Variants in YWHAE observed in about 807,000 individuals in gnomAD.
The protein encoded by YWHAE is 14-3-3 protein epsilon.
A neutral mutation model predicts 30.1 loss-of-function variants in YWHAE; 4 were observed. That is an observed-to-expected ratio of 0.13 (90% confidence interval 0.07 to 0.30). The LOEUF (loss-of-function observed/expected upper bound fraction) is 0.30. YWHAE is among the 10% of genes least tolerant of loss of function. The probability of loss-of-function intolerance (pLI) is 1.00; values close to 1 mark genes in which losing one functional copy is unlikely to be tolerated. For missense variants in YWHAE, 121 were observed against 315.9 expected (o/e 0.38, Z 4.68); for synonymous variants, 118 against 111.8 (o/e 1.06, Z -0.35).
intron 1 of YWHAE, among the ~76,000 whole-genome samples, chr17:1,380,350 G>C (rs2073187833): frequency 6.6e-6 from 1 of 152,088 alleles, no homozygotes; most frequent in African/African-American, 2.4e-5. Context: ...GACCTCAGGT[G>C]ATCTGCCTGC....
chr17:1,349,146 TC>T (rs936455015), intron 5 of YWHAE, among the ~76,000 whole-genome samples: 1 of 151,862 alleles, frequency 6.6e-6, no homozygotes, highest in African/African-American at 2.4e-5. Context: ...ATTGAGACCA[TC>T]CGGGCTAACA....
intron 1 of YWHAE, among the ~76,000 whole-genome samples, chr17:1,389,167 T>C (rs1349613597): frequency 2.0e-5 from 3 of 152,238 alleles, no homozygotes; most frequent in African/African-American, 4.8e-5. Context: ...GGTCTCACTA[T>C]GTTGCCCAGG....
At chr17:1,357,697 G>T (rs187555301) in intron 4 of YWHAE, among the ~76,000 whole-genome samples, 8 of 151,972 alleles carry the variant, frequency 5.3e-5, no homozygotes, top group Admixed American at 3.3e-4. Context: ...AGGCCGAGGT[G>T]GCTGGATCAC....
Position 1,355,242 on chromosome 17 carries a change from C to T in YWHAE, c.579-895G>A, listed in dbSNP as rs532390075. On this transcript the variant is annotated intron_variant, in intron 4 of 5. Coordinates refer to ENST00000264335, the MANE Select transcript of YWHAE (RefSeq NM_006761.5). ...CGGGATGTAGGCTAAATGCAAGCTC[C>T]GCCTCCTGGGTTCACACCATTATCC... Among the ~76,000 whole-genome samples, 284 of 143,738 alleles carry T rather than the reference C, an allele frequency of 2.0e-3. 2 individuals carry two copies. Among genetic ancestry groups the T allele is most frequent in the African/African-American group, 7.1e-3 (277 of 38,910 alleles). The allele number at this position is 143,738 out of a possible 152,430, so 94.3% of individuals were successfully genotyped here.
intron 1 of YWHAE, among the ~76,000 whole-genome samples, chr17:1,368,533 C>T (rs894727587): frequency 2.0e-5 from 3 of 148,860 alleles, no homozygotes; most frequent in Non-Finnish European, 1.5e-5. Flanking sequence ...CATTGCACTC[C>T]AGCCTAGGCG....
rs1474283120 is a variant in YWHAE at position 1,361,225 on chromosome 17, G to C, written c.445C>G (p.Leu149Val). 1 of 1,613,770 alleles carries C rather than the reference G, an allele frequency of 6.2e-7. No homozygotes were observed. ...TCACTAGCAGCTTTATAAGCCACTA[G>C]GCTGTTCTCCGCAGCCTCCTTCCTG... ...NDRKEAAENS[L>V]VAYKAASDIA... Residue 149 changes from leucine (L) to valine (V), a missense_variant, in exon 4 of 6, where the codon CTA (leucine) becomes GTA (valine). Transcript: ENST00000264335.
At chr17:1,358,658 T>C (rs976974356) in intron 4 of YWHAE, among the ~76,000 whole-genome samples, 1 of 151,370 alleles carries the variant, frequency 6.6e-6, no homozygotes, top group Admixed American at 6.6e-5. Flanking sequence ...AAACCTCGTC[T>C]CTACTAAAAA....
chr17:1,377,060 C>T (rs1196749661), intron 1 of YWHAE, among the ~76,000 whole-genome samples: 1 of 151,866 alleles, frequency 6.6e-6, no homozygotes, highest in African/African-American at 2.4e-5. Flanking sequence ...ACTACAGGTG[C>T]CCGCCAACGT....
At chr17:1,370,831 A>G (rs929585760) in intron 1 of YWHAE, among the ~76,000 whole-genome samples, 8 of 151,826 alleles carry the variant, frequency 5.3e-5, no homozygotes, top group Non-Finnish European at 1.2e-4. Context: ...CCTCGTCTCT[A>G]CTAAAAGTGC....
At chr17:1,389,569 T>C (rs1332866466) in intron 1 of YWHAE, among the ~76,000 whole-genome samples, 8 of 151,328 alleles carry the variant, frequency 5.3e-5, no homozygotes, top group African/African-American at 1.2e-4. Context: ...CTCGCTCTGT[T>C]GCCCAGGCTG....
chr17:1,373,645 G>C (rs992548154), intron 1 of YWHAE, among the ~76,000 whole-genome samples: 18 of 151,328 alleles, frequency 1.2e-4, no homozygotes, highest in Non-Finnish European at 1.9e-4. Context: ...TCCAGCCTGG[G>C]TGACAGAGTG....
rs761150632 is a variant in YWHAE, at chr17:1,345,456, T to C, written c.759A>G (p.Glu253=). The C allele has an allele frequency of 6.2e-7, 1 of 1,613,914 alleles. No individual in the cohort carries two copies. The highest frequency in any genetic ancestry group is 8.5e-7 in the Non-Finnish European group (1 of 1,179,858). The part of the protein sequence containing the change: ...NKEALQDVED[E]NQ ...CTTGTTGGCTTATGTCTCACTGATT[T>C]TCGTCTTCCACGTCCTGCAGCGCTT... The change falls in exon 6 of 6, where the codon GAA becomes GAG. Residue 253 remains glutamate, a synonymous_variant. Transcript: ENST00000264335.
At position 1,353,374 on chromosome 17, in the gene YWHAE, C is replaced by T. The variant is rs111252328; in HGVS notation, c.715+837G>A. ...AATGGTGTAAACCCAGGAGACGGAGCTTGCAGTGAGCCAAGATCGCGCCAC... is the reference window on the plus strand; with the variant it reads ...AATGGTGTAAACCCAGGAGACGGAGTTTGCAGTGAGCCAAGATCGCGCCAC... On this transcript the variant is annotated intron_variant, in intron 5 of 5. Transcript: ENST00000264335. 6.8e-3 allele frequency among the ~76,000 whole-genome samples: 987 copies of T among 144,262 alleles called. 14 individuals are homozygous for T. The highest frequency in any genetic ancestry group is 0.017 in the African/African-American group (650 of 37,880). The allele number at this position is 144,262 out of a possible 152,430, so 94.6% of individuals were successfully genotyped here.
In YWHAE at chr17:1,347,202, G is replaced by A. The variant is rs1409805037; in HGVS notation, c.716-1703C>T. ...AAAAAAAAAAAAATTAGCCAGGCAT[G>A]GTGGCAGGCGCCTGTAGTCCCAGCT... On this transcript the variant is annotated intron_variant, in intron 5 of 5. Transcript: ENST00000264335. Among the ~76,000 whole-genome samples, 3 of 151,362 alleles carry A rather than the reference G, an allele frequency of 2.0e-5. No individual in the cohort carries two copies. The South Asian group carries it at 6.2e-4, about 31-fold the overall frequency.
intron 1 of YWHAE, among the ~76,000 whole-genome samples, chr17:1,374,506 C>T (rs907732943): frequency 1.3e-5 from 2 of 152,106 alleles, no homozygotes; most frequent in South Asian, 2.1e-4. Context: ...TGAGGAAGGA[C>T]ATCCCAAACT....
At chr17:1,371,606 A>G (rs183518556) in intron 1 of YWHAE, among the ~76,000 whole-genome samples, 8 of 152,288 alleles carry the variant, frequency 5.3e-5, no homozygotes, top group Admixed American at 1.3e-4. Context: ...ACTGGTTTCA[A>G]TTTAAATTCA....
At chr17:1,370,744 C>T (rs2073028881) in intron 1 of YWHAE, among the ~76,000 whole-genome samples, 1 of 152,034 alleles carries the variant, frequency 6.6e-6, no homozygotes, top group Non-Finnish European at 1.5e-5. Flanking sequence ...GCCTAGTAAT[C>T]CCAGCACTTT....
intron 1 of YWHAE, among the ~76,000 whole-genome samples, chr17:1,378,862 G>A (rs949128041): frequency 6.6e-5 from 10 of 151,382 alleles, no homozygotes; most frequent in Admixed American, 1.3e-4. Context: ...CAGGAGAATC[G>A]CTTGAACCTG....
chr17:1,390,980 G>C (rs557284369), intron 1 of YWHAE, among the ~76,000 whole-genome samples: 1 of 152,140 alleles, frequency 6.6e-6, no homozygotes, highest in Non-Finnish European at 1.5e-5. Context: ...TTTTATGTGG[G>C]TATTTGGTAT....
Sources: allele counts gnomAD v4.1 joint callset (sites outside exome capture counted in the v4.1 genomes callset), GRCh38; gene constraint gnomAD v4.1.1; transcripts MANE v1.5; gene names NCBI Gene and HGNC (gene_info 2026-07-23, HGNC 2026-07-21).